Variants in FOXP1 observed in about 807,000 individuals in gnomAD.
The protein encoded by FOXP1 is forkhead box protein P1.
In FOXP1, 15 loss-of-function variants were observed where a neutral mutation model predicts 98.2. The observed-to-expected ratio is 0.15, with a 90% CI of 0.10 to 0.24. The LOEUF is 0.24. Among genes scored for constraint, FOXP1 ranks in the 10% least tolerant of loss-of-function variants. The probability of loss-of-function intolerance (pLI) is 1.00; values close to 1 mark genes in which losing one functional copy is unlikely to be tolerated. For missense variants in FOXP1, 633 were observed against 848.5 expected, an observed-to-expected ratio of 0.75 and a Z score of 3.15; for synonymous variants, 371 against 314.5, an observed-to-expected ratio of 1.18 and a Z score of -1.90.
chr3:71,308,611 G>C (rs1357874111), intron 4 of FOXP1, among the ~76,000 whole-genome samples: 1 of 152,038 alleles, frequency 6.6e-6, no homozygotes, highest in Non-Finnish European at 1.5e-5. Flanking sequence ...ACTAAAACTG[G>C]AAATCTGTGC....
chr3:71,261,677 G>A (rs1201825723), intron 5 of FOXP1, among the ~76,000 whole-genome samples: 3 of 151,886 alleles, frequency 2.0e-5, no homozygotes, highest in African/African-American at 4.8e-5. Flanking sequence ...GAAAACATTC[G>A]CACATTTCAA....
chr3:71,083,472 C>A (rs1373653282), intron 7 of FOXP1, among the ~76,000 whole-genome samples: 1 of 152,200 alleles, frequency 6.6e-6, no homozygotes, highest in African/African-American at 2.4e-5. Context: ...AACACACTTA[C>A]CAATCAGCAC....
chr3:71,410,094 G>A (rs1560444861), intron 3 of FOXP1, among the ~76,000 whole-genome samples: 1 of 152,148 alleles, frequency 6.6e-6, no homozygotes, highest in Non-Finnish European at 1.5e-5. Context: ...CTCAGTGTCA[G>A]CTCCCTCACC....
chr3:71,300,410 G>A (rs559767545), intron 4 of FOXP1, among the ~76,000 whole-genome samples: 228 of 152,252 alleles, frequency 1.5e-3, no homozygotes, highest in Non-Finnish European at 2.1e-3. Context: ...AATTGCTGGC[G>A]AAAGCTGTTC....
intron 6 of FOXP1, among the ~76,000 whole-genome samples, chr3:71,115,317 T>TATTTATTTATTTA (rs1376178177): frequency 6.9e-6 from 1 of 144,124 alleles, no homozygotes; most frequent in African/African-American, 2.6e-5. Context: ...ATTATTATTA[T>TATTTATTTATTTA]TTTATTTATT....
intron 2 of FOXP1, among the ~76,000 whole-genome samples, chr3:71,520,666 T>G (rs897929433): frequency 6.6e-6 from 1 of 152,168 alleles, no homozygotes; most frequent in Admixed American, 6.5e-5. Context: ...AATGAGTAAG[T>G]CAGGCATACC....
At chr3:71,452,204 C>G (rs2087022562) in intron 3 of FOXP1, among the ~76,000 whole-genome samples, 1 of 152,112 alleles carries the variant, frequency 6.6e-6, no homozygotes, top group Non-Finnish European at 1.5e-5. Flanking sequence ...GAAACAATAT[C>G]ATCAAAAGGA....
intron 6 of FOXP1, chr3:71,130,422 T>A (rs958965127): frequency 6.9e-7 from 1 of 1,439,146 alleles, no homozygotes; most frequent in East Asian, 2.3e-5. Flanking sequence ...CTTCAGAGAA[T>A]GTCTGCACAA....
chr3:71,415,702 CT>C (rs55984368), intron 3 of FOXP1, among the ~76,000 whole-genome samples: 1,474 of 140,768 alleles, frequency 0.01, 7 homozygotes, highest in Middle Eastern at 0.026. Flanking sequence ...ATTAGTTGCT[CT>C]TTTTTTTTTT....
intron 5 of FOXP1, among the ~76,000 whole-genome samples, chr3:71,257,518 G>A (rs934004721): frequency 2.0e-5 from 3 of 151,732 alleles, no homozygotes; most frequent in African/African-American, 4.8e-5. Context: ...CCAGGAGGCG[G>A]AGGTTGCAGT....
chr3:71,125,179 T>C (rs1471230712), intron 6 of FOXP1, among the ~76,000 whole-genome samples: 1 of 152,198 alleles, frequency 6.6e-6, no homozygotes, highest in Non-Finnish European at 1.5e-5. Context: ...ATGATACTGG[T>C]GGTGATACTA....
chr3:71,262,928 C>T (rs1305951822), intron 5 of FOXP1, among the ~76,000 whole-genome samples: 1 of 152,154 alleles, frequency 6.6e-6, no homozygotes, highest in Non-Finnish European at 1.5e-5. Flanking sequence ...ACTGAGTCTT[C>T]GGGTGGCCTT....
At chr3:71,415,864 A>G (rs747862643) in intron 3 of FOXP1, among the ~76,000 whole-genome samples, 1 of 152,226 alleles carries the variant, frequency 6.6e-6, no homozygotes, top group Non-Finnish European at 1.5e-5. Flanking sequence ...GAAAACTGAT[A>G]AAATAAACCA....
At chr3:71,297,975 C>T (rs1372054085) in intron 5 of FOXP1, among the ~76,000 whole-genome samples, 1 of 152,130 alleles carries the variant, frequency 6.6e-6, no homozygotes. Context: ...AGACATGTGG[C>T]ACCACTTTGC....
intron 2 of FOXP1, among the ~76,000 whole-genome samples, chr3:71,496,804 T>TA (rs1226460444): frequency 4.0e-5 from 6 of 151,442 alleles, no homozygotes; most frequent in African/African-American, 9.7e-5. Flanking sequence ...AGACTCTGTC[T>TA]AAAAAAACAA....
At chr3:71,037,990 A>T (rs2047832783) in intron 11 of FOXP1, among the ~76,000 whole-genome samples, 1 of 152,198 alleles carries the variant, frequency 6.6e-6, no homozygotes, top group Non-Finnish European at 1.5e-5. Context: ...CTTGTGTAAG[A>T]CAAATTAAAG....
intron 5 of FOXP1, among the ~76,000 whole-genome samples, chr3:71,210,039 G>C (rs948936749): frequency 2.6e-5 from 4 of 152,100 alleles, no homozygotes; most frequent in Non-Finnish European, 1.5e-5. Flanking sequence ...ATGGAAATGA[G>C]AAAAGGATAT....
chr3:71,082,484 G>T (rs1351720433), intron 7 of FOXP1, among the ~76,000 whole-genome samples: 3 of 151,772 alleles, frequency 2.0e-5, no homozygotes, highest in Non-Finnish European at 2.9e-5. Context: ...CAGGGGGTGG[G>T]GGGTAGGGGA....
intron 7 of FOXP1, among the ~76,000 whole-genome samples, chr3:71,104,038 T>C (rs2057216423): frequency 6.6e-6 from 1 of 152,146 alleles, no homozygotes; most frequent in African/African-American, 2.4e-5. Context: ...CTCAGAAGAT[T>C]CACACAGGAA....
Sources: allele counts gnomAD v4.1 joint callset (sites outside exome capture counted in the v4.1 genomes callset), GRCh38; gene constraint gnomAD v4.1.1; transcripts MANE v1.5; gene names NCBI Gene and HGNC (gene_info 2026-07-23, HGNC 2026-07-21).